The following DLGAP1 variants were observed in gnomAD, a reference collection of about 807,000 sequenced individuals.
The protein encoded by DLGAP1 is DLG associated protein 1, also known as disks large-associated protein 1.
In DLGAP1, 11 loss-of-function variants were observed where a neutral mutation model predicts 90.8. The ratio of observed to expected loss-of-function variants is 0.12; its 90% CI spans 0.08 to 0.20. DLGAP1 has a LOEUF of 0.20. DLGAP1 is among the 10% of genes least tolerant of loss of function. The probability of loss-of-function intolerance (pLI) is 1.00; values close to 1 mark genes in which losing one functional copy is unlikely to be tolerated. For missense variants in DLGAP1, 1,050 were observed against 1,333.8 expected (o/e 0.79, Z 3.31); for synonymous variants, 558 against 540.7 (o/e 1.03, Z -0.44).
intron 4 of DLGAP1, among the ~76,000 whole-genome samples, chr18:3,850,890 GA>G (rs960550337): frequency 4.0e-5 from 6 of 151,364 alleles, no homozygotes; most frequent in African/African-American, 1.2e-4. Flanking sequence ...CATCTTTATA[GA>G]AAAAAAACAG....
At chr18:3,866,459 C>T (rs2070389715) in intron 4 of DLGAP1, among the ~76,000 whole-genome samples, 1 of 152,092 alleles carries the variant, frequency 6.6e-6, no homozygotes, top group Admixed American at 6.6e-5. Flanking sequence ...TTATAGACAG[C>T]CCAGGTACAG....
chr18:4,006,239 GC>G (rs1390873534), intron 2 of DLGAP1, among the ~76,000 whole-genome samples: 1 of 152,126 alleles, frequency 6.6e-6, no homozygotes, highest in Non-Finnish European at 1.5e-5. Flanking sequence ...GACTAGCAAA[GC>G]CCCTGCATCC....
chr18:3,830,422 G>A (rs35409822), intron 4 of DLGAP1, among the ~76,000 whole-genome samples: 64,900 of 151,942 alleles, frequency 0.43, 14,315 homozygotes, highest in South Asian at 0.53. Context: ...AAAATTAGCC[G>A]GGTGTGGTGG....
intron 1 of DLGAP1, among the ~76,000 whole-genome samples, chr18:4,205,088 A>C (rs2077694258): frequency 6.6e-6 from 1 of 152,192 alleles, no homozygotes; most frequent in Non-Finnish European, 1.5e-5. Context: ...TCAGTGCAGA[A>C]TATACAAGTT....
intron 5 of DLGAP1, among the ~76,000 whole-genome samples, chr18:3,773,980 T>TC (rs1250071963): frequency 9.9e-5 from 15 of 152,222 alleles, no homozygotes; most frequent in African/African-American, 2.9e-4. Flanking sequence ...TCTTCTACTT[T>TC]CAAATTGGGG....
intron 2 of DLGAP1, among the ~76,000 whole-genome samples, chr18:4,143,761 A>G (rs1490690388): frequency 6.6e-6 from 1 of 152,174 alleles, no homozygotes; most frequent in East Asian, 1.9e-4. Flanking sequence ...GTCACAACCA[A>G]GGCCCATGGC....
chr18:4,246,302 T>C (rs2078651825), intron 1 of DLGAP1, among the ~76,000 whole-genome samples: 1 of 152,208 alleles, frequency 6.6e-6, no homozygotes, highest in Non-Finnish European at 1.5e-5. Context: ...CCATGGCAGA[T>C]GATATTTCAG....
chr18:3,983,144 T>G (rs1229088521), intron 3 of DLGAP1: 1 of 152,192 alleles, frequency 6.6e-6, no homozygotes, highest in Non-Finnish European at 1.5e-5. Context: ...ATTTGAAATT[T>G]CAAAGCAAAA....
In DLGAP1 at chr18:3,575,592, G is replaced by A. The variant is rs138942342; in HGVS notation, c.1965+6283C>T. ...AGGAATACGAGGTGGGAGTGGGAAAGAAGGGGAAATCTCATATTTTGCTCT... is the reference window on the plus strand; with the variant it reads ...AGGAATACGAGGTGGGAGTGGGAAAAAAGGGGAAATCTCATATTTTGCTCT... On this transcript the variant is annotated intron_variant, in intron 8 of 12. Coordinates refer to ENST00000315677, the MANE Select transcript of DLGAP1 (RefSeq NM_004746.4). Among the ~76,000 whole-genome samples the A allele has an allele frequency of 2.6e-5, 4 of 152,312 alleles. No homozygotes were observed. The East Asian group carries it at 7.7e-4, about 29-fold the overall frequency.
Position 3,727,364 on chromosome 18 carries a change from A to G in DLGAP1, c.1591+1771T>C, listed in dbSNP as rs1191556004. Among the ~76,000 whole-genome samples, 1 of 152,212 alleles carries G rather than the reference A, an allele frequency of 6.6e-6. No homozygotes were observed. The highest frequency in any genetic ancestry group is 1.5e-5 in the Non-Finnish European group (1 of 68,036). On this transcript the variant is annotated intron_variant, in intron 7 of 12. Coordinates refer to ENST00000315677, the MANE Select transcript of DLGAP1 (RefSeq NM_004746.4). This position sits in a 1 kb window ranked among gnomAD's most constrained non-coding sequence, Gnocchi z 4.7. Reference sequence around the variant, plus strand: ...ACACGCAAATCTGACAGGTGAGAAGAGAAAAACCATTCCAAGTCTCTTGCT... The same window carrying G: ...ACACGCAAATCTGACAGGTGAGAAGGGAAAAACCATTCCAAGTCTCTTGCT...
At chr18:4,351,166 T>A (rs941154295) in intron 1 of DLGAP1, among the ~76,000 whole-genome samples, 1 of 152,204 alleles carries the variant, frequency 6.6e-6, no homozygotes, top group Non-Finnish European at 1.5e-5. Context: ...GAAAGGAATA[T>A]CAAGGTGGAA....
At position 3,551,613 on chromosome 18, in the gene DLGAP1, CTTTCTTTTT is replaced by C. The variant is rs2053434410; in HGVS notation, c.2057+15868_2057+15876del. On this transcript the variant is annotated intron_variant, in intron 9 of 12. Transcript: ENST00000315677. Reference sequence around the variant, plus strand: ...TCTTTCTTTTTCTTTTTCTTTCTTTCTTTCTTTTTCTTTCTTTCTTTCCTTCCTTTCTCT... The same window carrying C: ...TCTTTCTTTTTCTTTTTCTTTCTTTCCTTTCTTTCTTTCCTTCCTTTCTCT... Among the ~76,000 whole-genome samples, 12 of 129,548 alleles carry C rather than the reference CTTTCTTTTT, an allele frequency of 9.3e-5. 3 individuals carry two copies. The highest frequency in any genetic ancestry group is 2.4e-4 in the East Asian group (1 of 4,138). 85.0% of individuals were successfully genotyped at this position (129,548 alleles called of 152,430 possible). A position where few individuals can be genotyped will look rare whatever the true frequency, so the allele number is the denominator to read the frequency against.
chr18:3,658,839 G>A (rs899628567), intron 7 of DLGAP1, among the ~76,000 whole-genome samples: 6 of 152,170 alleles, frequency 3.9e-5, no homozygotes, highest in African/African-American at 1.4e-4. Flanking sequence ...ACAACAATGT[G>A]CTCTGATCAG....
chr18:4,149,567 C>G (rs1465246246), intron 2 of DLGAP1, among the ~76,000 whole-genome samples: 10 of 152,190 alleles, frequency 6.6e-5, no homozygotes, highest in South Asian at 6.2e-4. Context: ...TAGACCAGTA[C>G]TGGTTCCTGG....
chr18:4,111,029 G>A (rs1334526584), intron 2 of DLGAP1, among the ~76,000 whole-genome samples: 2 of 152,034 alleles, frequency 1.3e-5, no homozygotes, highest in African/African-American at 4.8e-5. Context: ...TCATCTAAAG[G>A]TTATGATATT....
chr18:3,821,857 A>C, intron 4 of DLGAP1: 1 of 962,662 alleles, frequency 1.0e-6, no homozygotes, highest in Non-Finnish European at 1.2e-6. Flanking sequence ...TGGCCTTCTA[A>C]GCACTTTTAG....
chr18:3,590,921 T>C (rs943564746), intron 7 of DLGAP1, among the ~76,000 whole-genome samples: 3 of 152,062 alleles, frequency 2.0e-5, no homozygotes, highest in Non-Finnish European at 2.9e-5. Flanking sequence ...GAAACTTTTA[T>C]AGCAATTTTA....
At chr18:3,764,436 C>T (rs2064120383) in intron 5 of DLGAP1, among the ~76,000 whole-genome samples, 1 of 20,534 alleles carries the variant, frequency 4.9e-5, no homozygotes. Flanking sequence ...ATTGCCCAGG[C>T]CTCGTTTGTT....
chr18:3,972,302 C>T (rs997289876), intron 3 of DLGAP1, among the ~76,000 whole-genome samples: 10 of 151,972 alleles, frequency 6.6e-5, no homozygotes, highest in East Asian at 5.8e-4. Flanking sequence ...ACTTGAAGCC[C>T]GGAGTTCGAG....
Sources: gnomAD v4.1 joint callset for allele counts (sites outside exome capture counted in the v4.1 genomes callset) on GRCh38, gnomAD v4.1.1 for gene constraint, Gnocchi (gnomAD v3.1) non-coding constraint, MANE v1.5 for transcripts, NCBI Gene and HGNC (gene_info 2026-07-23, HGNC 2026-07-21) for gene names.